UNC13A: variants seen among roughly 807,000 people sequenced by gnomAD.
The protein encoded by UNC13A is protein unc-13 homolog A.
A neutral mutation model predicts 219.7 loss-of-function variants in UNC13A; 61 were observed. That is an observed-to-expected ratio of 0.28 (90% CI 0.23 to 0.34). The LOEUF (loss-of-function observed/expected upper bound fraction) is 0.34, where lower values mean the gene tolerates loss of function less well. Among genes scored for constraint, UNC13A ranks in the 10% least tolerant of loss-of-function variants. UNC13A has a pLI of 1.00. For synonymous variants in UNC13A, 920 were observed against 884.6 expected (o/e 1.04, Z -0.71); for missense variants, 1,476 against 2,270.3 (o/e 0.65, Z 7.11).
At chr19:17,679,365 A>C (rs1192921047) in intron 1 of UNC13A, among the ~76,000 whole-genome samples, 1 of 151,834 alleles carries the variant, frequency 6.6e-6, no homozygotes, top group Non-Finnish European at 1.5e-5. Flanking sequence ...ACGCCATTGC[A>C]CTCCAGCCTG....
intron 1 of UNC13A, among the ~76,000 whole-genome samples, chr19:17,677,401 T>C (rs964763910): frequency 1.3e-5 from 2 of 150,924 alleles, no homozygotes; most frequent in Non-Finnish European, 3.0e-5. Context: ...TCTTGCTCTA[T>C]TGCCCAGGCT....
At chr19:17,669,194 CTCTG>C (rs2079728238) in intron 5 of UNC13A, among the ~76,000 whole-genome samples, 1 of 152,190 alleles carries the variant, frequency 6.6e-6, no homozygotes, top group South Asian at 2.1e-4. Context: ...ACATGTCTCT[CTCTG>C]TCTCTCTTTG....
chr19:17,654,461 GC>G (rs2079412968), intron 11 of UNC13A, among the ~76,000 whole-genome samples: 1 of 152,092 alleles, frequency 6.6e-6, no homozygotes, highest in Non-Finnish European at 1.5e-5. Flanking sequence ...TAATTTTGTG[GC>G]TCTGATATTT....
chr19:17,606,429 C>T lies in UNC13A; in HGVS notation c.4812-75G>A, dbSNP rs115383351. ...CCCGCCCACGGCCCCGTCCCCACCG[C>T]ATTTGCGGGCCACGCCCACACCGGG... On this transcript the variant is annotated intron_variant, in intron 43 of 43. Transcript: ENST00000519716. 4,267 of 1,501,362 alleles carry T rather than the reference C, an allele frequency of 2.8e-3. 88 individuals are homozygous for T. The African/African-American group carries it at 0.049, about 17-fold the overall frequency. The allele number at this position is 1,501,362 out of a possible 1,614,324, so 93.0% of individuals were successfully genotyped here.
intron 6 of UNC13A, among the ~76,000 whole-genome samples, chr19:17,666,908 GAGAA>G (rs1256024485): frequency 4.8e-5 from 1 of 20,664 alleles, no homozygotes; most frequent in African/African-American, 1.2e-4. Flanking sequence ...GAGAGAGAGA[GAGAA>G]AGACAGAGAC....
chr19:17,619,094 G>T, intron 38 of UNC13A, 132 bp from the exon 39 acceptor site: 2 of 806,270 alleles, frequency 2.5e-6, no homozygotes, highest in Non-Finnish European at 4.1e-6. Flanking sequence ...CAGAGGTCTG[G>T]AATTCCCCAG....
In UNC13A at chr19:17,688,165, C is replaced by A; in HGVS notation, c.22+13G>T. 1 of 1,528,584 alleles carries A rather than the reference C, an allele frequency of 6.5e-7. No homozygotes were observed. The highest frequency in any genetic ancestry group is 8.8e-7 in the Non-Finnish European group (1 of 1,137,808). 94.7% of individuals were successfully genotyped at this position (1,528,584 alleles called of 1,614,324 possible). A position where few individuals can be genotyped will look rare whatever the true frequency, so the allele number is the denominator to read the frequency against. On this transcript the variant is annotated intron_variant, in intron 1 of 43. Transcript: ENST00000519716. ...TCCACACGGGTCCCCCGACCCCCAGCCTCGCCTCCTACCTCCAACGCAAAG... is the reference window on the plus strand; with the variant it reads ...TCCACACGGGTCCCCCGACCCCCAGACTCGCCTCCTACCTCCAACGCAAAG...
chr19:17,620,563 A>G, intron 38 of UNC13A, 130 bp downstream of exon 38: 1 of 861,218 alleles, frequency 1.2e-6, no homozygotes, highest in Non-Finnish European at 1.8e-6. Context: ...AGACAAAGGA[A>G]GAAGAGACCA....
chr19:17,646,764 C>T (rs1324319183), intron 17 of UNC13A, among the ~76,000 whole-genome samples: 1 of 152,190 alleles, frequency 6.6e-6, no homozygotes, highest in East Asian at 1.9e-4. Context: ...AAATCCTCAT[C>T]CTCAGGTCTG....
At position 17,674,018 on chromosome 19, in the gene UNC13A, A is replaced by G. The variant is rs4808092; in HGVS notation, c.152+639T>C. ...AGAGTGAGGCTCTGCCTCAAAACAA[A>G]CAAACAAACAAACAAAATTGGTGGC... is the stretch of plus-strand genomic sequence containing the variant. On this transcript the variant is annotated intron_variant, in intron 3 of 43. Coordinates refer to ENST00000519716, the MANE Select transcript of UNC13A (RefSeq NM_001080421.3). This position sits in a 1 kb window ranked among gnomAD's most constrained non-coding sequence, Gnocchi z 5.0. Among the ~76,000 whole-genome samples the G allele has an allele frequency of 0.92, 140,590 of 152,320 alleles. 65,306 individuals carry two copies. The highest frequency in any genetic ancestry group is 0.97 in the Non-Finnish European group (65,721 of 68,048).
At chr19:17,658,312 AGT>A in intron 8 of UNC13A, 43 bp from the exon 9 acceptor site, 1 of 1,563,488 alleles carries the variant, frequency 6.4e-7, no homozygotes, top group Non-Finnish European at 8.7e-7. Context: ...AGGAAGAGAG[AGT>A]GCACATGATG....
chr19:17,638,296 C>T (rs1316943986), intron 25 of UNC13A, among the ~76,000 whole-genome samples: 6 of 151,754 alleles, frequency 4.0e-5, no homozygotes, highest in Non-Finnish European at 7.4e-5. Context: ...TAGTGAGATG[C>T]CATCTCCACA....
chr19:17,665,579 C>T (rs546780616), intron 7 of UNC13A, among the ~76,000 whole-genome samples: 32 of 152,256 alleles, frequency 2.1e-4, no homozygotes, highest in African/African-American at 7.5e-4. Context: ...TGCCAGTTGC[C>T]GGGTGTGTGG....
rs571916697 is a variant in UNC13A, at chr19:17,656,312, T to C, written c.854A>G (p.His285Arg). The change falls in exon 10 of 44, where the codon CAC (histidine) becomes CGC (arginine). Residue 285 changes from histidine (H) to arginine (R), a missense_variant. Transcript: ENST00000519716. The part of the protein sequence containing the change: ...QLSEDFDPDE[H>R]SLQGSDMEDE... ...CTCCATGTCGGAGCCCTGCAGGCTG[T>C]GCTCGTCAGGGTCGAAGTCCTCGCT... 4.5e-6 allele frequency: 7 copies of C among 1,555,616 alleles called. No homozygotes were observed. The South Asian group carries it at 7.1e-5, about 16-fold the overall frequency.
chr19:17,651,286 G>A (rs1420396390), intron 12 of UNC13A, among the ~76,000 whole-genome samples: 1 of 150,790 alleles, frequency 6.6e-6, no homozygotes, highest in Non-Finnish European at 1.5e-5. Context: ...TGGGGGTCTC[G>A]CTATGTTGCC....
At position 17,643,374 on chromosome 19, in the gene UNC13A, C is replaced by T. The variant is rs569990236; in HGVS notation, c.2357-414G>A. Among the ~76,000 whole-genome samples, 10 of 152,020 alleles carry T rather than the reference C, an allele frequency of 6.6e-5. No homozygotes were observed. In the East Asian group the frequency reaches 1.4e-3, roughly 21 times the overall value. On this transcript the variant is annotated intron_variant, in intron 19 of 43. Coordinates refer to ENST00000519716, the MANE Select transcript of UNC13A (RefSeq NM_001080421.3). ...GAGATCTGTGGTCCAGGTTAGAGTG[C>T]GGTGGCGCAATCTTGGCTCACTGCA...
At chr19:17,665,677 C>T (rs752585663) in intron 7 of UNC13A, among the ~76,000 whole-genome samples, 5 of 152,150 alleles carry the variant, frequency 3.3e-5, no homozygotes, top group African/African-American at 4.8e-5. Flanking sequence ...GTTGTACGTG[C>T]GCCCATTGTA....
intron 16 of UNC13A, among the ~76,000 whole-genome samples, chr19:17,648,227 C>T (rs1488928255): frequency 1.3e-5 from 2 of 151,488 alleles, no homozygotes; most frequent in African/African-American, 4.8e-5. Context: ...CCCCTCGACC[C>T]CCTAGCCCTT....
At position 17,627,745 on chromosome 19, in the gene UNC13A, C is replaced by T; in HGVS notation, c.3831+118G>A. ...TTATGCTGCAAGCCTGGGTTTAAGGCCATGGTTGAGCTGGAATTCATCCCC... is the reference window on the plus strand; with the variant it reads ...TTATGCTGCAAGCCTGGGTTTAAGGTCATGGTTGAGCTGGAATTCATCCCC... On this transcript the variant is annotated intron_variant, in intron 32 of 43. Coordinates refer to ENST00000519716, the MANE Select transcript of UNC13A (RefSeq NM_001080421.3). This position sits in a 1 kb window ranked among gnomAD's most constrained non-coding sequence, Gnocchi z 4.7. 6 of 1,314,942 alleles carry T rather than the reference C, an allele frequency of 4.6e-6. No homozygotes were observed. The highest frequency in any genetic ancestry group is 6.4e-6 in the Non-Finnish European group (6 of 943,078). 81.5% of individuals were successfully genotyped at this position (1,314,942 alleles called of 1,614,324 possible). A position where few individuals can be genotyped will look rare whatever the true frequency, so the allele number is the denominator to read the frequency against.
Sources: allele counts gnomAD v4.1 joint callset (sites outside exome capture counted in the v4.1 genomes callset), GRCh38; gene constraint gnomAD v4.1.1; non-coding constraint Gnocchi (gnomAD v3.1); transcripts MANE v1.5; gene names NCBI Gene and HGNC (gene_info 2026-07-23, HGNC 2026-07-21).